TLN1: variants seen among roughly 807,000 people sequenced by gnomAD.
The protein encoded by TLN1 is talin 1.
In TLN1, 56 loss-of-function variants were observed where a neutral mutation model predicts 292.3. The observed-to-expected ratio is 0.19, with a 90% confidence interval of 0.15 to 0.24. TLN1 has a LOEUF of 0.24. TLN1 is among the 10% of genes least tolerant of loss of function. TLN1 has a pLI of 1.00. For missense variants in TLN1, 2,433 were observed against 3,248.2 expected (o/e 0.75, Z 6.10); for synonymous variants, 1,119 against 1,253.7 (o/e 0.89, Z 2.27).
At chr9:35,729,398 A>G (rs899364172) in intron 1 of TLN1, among the ~76,000 whole-genome samples, 6 of 152,246 alleles carry the variant, frequency 3.9e-5, no homozygotes, top group Non-Finnish European at 5.9e-5. Flanking sequence ...GCACAGGGGT[A>G]CCTGCAAGGG....
intron 33 of TLN1, among the ~76,000 whole-genome samples, chr9:35,708,945 C>T (rs112303307): frequency 2.5e-3 from 381 of 152,224 alleles, no homozygotes; most frequent in African/African-American, 5.1e-3. Flanking sequence ...CACCTCCATG[C>T]GTCAGATATT....
At chr9:35,705,382 G>T (rs1419778765) in intron 43 of TLN1, among the ~76,000 whole-genome samples, 169 bp downstream of exon 43, 1 of 152,128 alleles carries the variant, frequency 6.6e-6, no homozygotes, top group African/African-American at 2.4e-5. Flanking sequence ...GTGACTGAAG[G>T]CTTTGATCCT....
At position 35,698,084 on chromosome 9, in the gene TLN1, G is replaced by C. The variant is rs1825397853; in HGVS notation, c.7460C>G (p.Thr2487Arg). Residue 2487 changes from threonine (T) to arginine (R), a missense_variant, in exon 56 of 57, where the codon ACA becomes AGA. Coordinates refer to ENST00000314888, the MANE Select transcript of TLN1 (RefSeq NM_006289.4). The surrounding 1 kb of genome is among the most constrained non-coding windows in gnomAD (Gnocchi z 5.3). ...AACCATCTTCTCTTTCACCACCACT[G>C]TCTCATTCTCCTGCTCTTCAAAGGC... ...AAAFEEQENE[T>R]VVVKEKMVGG... The C allele has an allele frequency of 6.2e-7, 1 of 1,614,098 alleles. No individual in the cohort carries two copies. Among genetic ancestry groups the C allele is most frequent in the Non-Finnish European group, 8.5e-7 (1 of 1,180,016 alleles).
chr9:35,710,411 G>A (rs926317714), intron 33 of TLN1, 150 bp downstream of exon 33: 43 of 1,087,138 alleles, frequency 4.0e-5, no homozygotes, highest in Non-Finnish European at 4.4e-5. Flanking sequence ...GCTGACAAGT[G>A]TCTCCACTTC....
rs1298528860 is a variant in TLN1 at position 35,713,983 on chromosome 9, A to G, written c.3219T>C (p.Asp1073=). 6.2e-7 allele frequency: 1 copy of G among 1,614,200 alleles called. No homozygotes were observed. The change falls in exon 25 of 57, where the codon GAT becomes GAC. Residue 1073 remains aspartate, a synonymous_variant. Coordinates refer to ENST00000314888, the MANE Select transcript of TLN1 (RefSeq NM_006289.4). ...DLQEVKAAAR[D]GKLKPLPGET... ...CCCCAGGTAAGGGTTTAAGCTTGCCATCTCGAGCTGCTGCCTTCACTTCCT... is the reference window on the plus strand; with the variant it reads ...CCCCAGGTAAGGGTTTAAGCTTGCCGTCTCGAGCTGCTGCCTTCACTTCCT...
chr9:35,698,610 C>A lies in TLN1; in HGVS notation c.7188+7G>T. ...CTGAGAGAGACCTAGTGGTATTGCACACTTACAGCAGAAATGAGGCCCTGG... is the reference window on the plus strand; with the variant it reads ...CTGAGAGAGACCTAGTGGTATTGCAAACTTACAGCAGAAATGAGGCCCTGG... On this transcript the variant is annotated splice_region_variant and intron_variant, in intron 54 of 56. Transcript: ENST00000314888. The surrounding 1 kb of genome is among the most constrained non-coding windows in gnomAD (Gnocchi z 5.3). The A allele has an allele frequency of 6.2e-7, 1 of 1,614,178 alleles. No individual in the cohort carries two copies. The highest frequency in any genetic ancestry group is 8.5e-7 in the Non-Finnish European group (1 of 1,180,042).
Position 35,699,196 on chromosome 9 carries a change from TG to T in TLN1, c.6875-41del, listed in dbSNP as rs1377659989. ...GAAGAGGAAAGAGGCTAAGGCAGAG[TG>T]GGGAGGTCAAAAGCACCAGGGAGCA... On this transcript the variant is annotated intron_variant, in intron 51 of 56. Transcript: ENST00000314888. This position sits in a 1 kb window ranked among gnomAD's most constrained non-coding sequence, Gnocchi z 4.0. The T allele has an allele frequency of 6.3e-7, 1 of 1,585,366 alleles. No individual in the cohort carries two copies. The highest frequency in any genetic ancestry group is 8.6e-7 in the Non-Finnish European group (1 of 1,164,054).
chr9:35,716,346 C>G (rs749769853), intron 20 of TLN1, 44 bp downstream of exon 20: 4 of 1,608,056 alleles, frequency 2.5e-6, no homozygotes, highest in South Asian at 1.1e-5. Context: ...TGCTCTACTT[C>G]CCTCTAGGGT....
chr9:35,713,671 G>A (rs1312599227), intron 25 of TLN1, among the ~76,000 whole-genome samples: 2 of 150,676 alleles, frequency 1.3e-5, no homozygotes, highest in Non-Finnish European at 1.5e-5. Context: ...GTGACAGAGC[G>A]AGACTCCATC....
In TLN1 at chr9:35,710,870, A is replaced by G; in HGVS notation, c.4130T>C (p.Leu1377Pro). The change falls in exon 32 of 57, where the codon CTG becomes CCG. Residue 1377 changes from leucine to proline, a missense_variant. By Grantham distance (98) the Leu-to-Pro change is moderately conservative. Coordinates refer to ENST00000314888, the MANE Select transcript of TLN1 (RefSeq NM_006289.4). Reference sequence around the variant, plus strand: ...ATTGATGGGCTGGACTGGGTTCTCCAGGAGTTCCCGGACCGTCTGTGTAGG... The same window carrying G: ...ATTGATGGGCTGGACTGGGTTCTCCGGGAGTTCCCGGACCGTCTGTGTAGG... The part of the protein sequence containing the change: ...LRELETVREL[L>P]ENPVQPINDM... 2 of 1,614,242 alleles carry G rather than the reference A, an allele frequency of 1.2e-6. No homozygotes were observed. Among genetic ancestry groups the G allele is most frequent in the South Asian group, 1.1e-5 (1 of 91,086 alleles).
Position 35,711,331 on chromosome 9 carries a change from G to A in TLN1, c.3943C>T (p.Leu1315Phe). 1 of 1,614,212 alleles carries A rather than the reference G, an allele frequency of 6.2e-7. No individual in the cohort carries two copies. The highest frequency in any genetic ancestry group is 8.5e-7 in the Non-Finnish European group (1 of 1,180,036). Residue 1315 changes from leucine to phenylalanine, a missense_variant, in exon 30 of 57, where the codon CTT (leucine) becomes TTT (phenylalanine). Transcript: ENST00000314888. Reference sequence around the variant, plus strand: ...GACAGGGCCTTGGCAGCCAGAAGAAGTTTGCTTGAAGACATGGAGATGCCC... The same window carrying A: ...GACAGGGCCTTGGCAGCCAGAAGAAATTTGCTTGAAGACATGGAGATGCCC... ...LKGISMSSSKLLLAAKALSTD... is the reference protein window; with the variant it reads ...LKGISMSSSKFLLAAKALSTD...
intron 33 of TLN1, among the ~76,000 whole-genome samples, chr9:35,709,580 T>C (rs2131889885): frequency 6.6e-6 from 1 of 152,306 alleles, no homozygotes; most frequent in Non-Finnish European, 1.5e-5. Flanking sequence ...ATTTTGTCAC[T>C]AGTACTATTT....
chr9:35,705,763 G>T lies in TLN1; in HGVS notation c.5600C>A (p.Thr1867Asn). Residue 1867 changes from threonine (T) to asparagine (N), a missense_variant, in exon 42 of 57, where the codon ACC becomes AAC. Physicochemically the swap from Thr to Asn is moderately conservative, Grantham distance 65 (BLOSUM62 0). Around this residue, in one of 7 missense-constraint regions of TLN1, gnomAD observed 1,384 missense variants for 1,699.6 expected, o/e 0.81. Transcript: ENST00000314888. The stretch of plus-strand genomic sequence containing the variant: ...GCCCAAACTCACCATCTCCTGAACG[G>T]TCACTGCAATGGCCTTGGCTGTCCG... ...MVRTAKAIAV[T>N]VQEMVTKSNT... The T allele has an allele frequency of 6.2e-7, 1 of 1,614,222 alleles. No individual in the cohort carries two copies. The highest frequency in any genetic ancestry group is 1.1e-5 in the South Asian group (1 of 91,092).
rs1323527642 is a variant in TLN1 at position 35,700,184 on chromosome 9, T to C, written c.6660+7A>G. ...CTGCCTCACGGAAATGCCTCAAGGA[T>C]TTCTACCTTGCAAGCCCGAAGCATA... On this transcript the variant is annotated splice_region_variant and intron_variant, in intron 49 of 56. Transcript: ENST00000314888. The C allele has an allele frequency of 5.6e-6, 9 of 1,597,732 alleles. No individual in the cohort carries two copies. The highest frequency in any genetic ancestry group is 7.7e-6 in the Non-Finnish European group (9 of 1,166,502).
chr9:35,720,769 G>A, intron 11 of TLN1, 43 bp downstream of exon 11: 1 of 1,568,010 alleles, frequency 6.4e-7, no homozygotes, highest in Non-Finnish European at 8.8e-7. Context: ...TTGTGGAGAG[G>A]GCAAGAGGCG....
At position 35,699,472 on chromosome 9, in the gene TLN1, A is replaced by G. The variant is rs1378817097; in HGVS notation, c.6769-11T>C. 1 of 1,609,274 alleles carries G rather than the reference A, an allele frequency of 6.2e-7. No individual in the cohort carries two copies. Among genetic ancestry groups the G allele is most frequent in the Non-Finnish European group, 8.5e-7 (1 of 1,177,452 alleles). On this transcript the variant is annotated splice_polypyrimidine_tract_variant and intron_variant, in intron 50 of 56. Coordinates refer to ENST00000314888, the MANE Select transcript of TLN1 (RefSeq NM_006289.4). This position sits in a 1 kb window ranked among gnomAD's most constrained non-coding sequence, Gnocchi z 4.0. ...TGGCTTCTGCAGGGTCTGGGCAAGA[A>G]GCGGGCAGGGGACAAAGAGCATCAC...
At chr9:35,708,510 T>A (rs748491729) in intron 33 of TLN1, 26 bp from the exon 34 acceptor site, 2 of 1,526,728 alleles carry the variant, frequency 1.3e-6, no homozygotes, top group Non-Finnish European at 1.8e-6. Flanking sequence ...GGGGTGGGGG[T>A]GAGGAATAAA....
In TLN1 at chr9:35,731,030, C is replaced by T. The variant is rs1826069292; in HGVS notation, c.-34+1045G>A. Reference sequence around the variant, plus strand: ...CTCTGTCCCCTAACTGTGGTGGCCACAGCAAGGGCCTTGGGCTTAGAGAAT... The same window carrying T: ...CTCTGTCCCCTAACTGTGGTGGCCATAGCAAGGGCCTTGGGCTTAGAGAAT... On this transcript the variant is annotated intron_variant, in intron 1 of 56. Transcript: ENST00000314888. 1.3e-5 allele frequency among the ~76,000 whole-genome samples: 2 copies of T among 152,092 alleles called. 1 individual carries two copies. Among genetic ancestry groups the T allele is most frequent in the South Asian group, 4.1e-4 (2 of 4,822 alleles).
chr9:35,716,684 C>G (rs1825789340), intron 19 of TLN1, 128 bp from the exon 20 acceptor site: 1 of 994,932 alleles, frequency 1.0e-6, no homozygotes, highest in Admixed American at 2.9e-5. Context: ...AAGAGACTGG[C>G]AAAAGCTCTT....
Sources: gnomAD v4.1 joint callset for allele counts (sites outside exome capture counted in the v4.1 genomes callset) on GRCh38, gnomAD v4.1.1 for gene constraint, gnomAD v4.1.1 regional missense constraint, Gnocchi (gnomAD v3.1) non-coding constraint, MANE v1.5 for transcripts, NCBI Gene and HGNC (gene_info 2026-07-23, HGNC 2026-07-21) for gene names.